VCAN: variants seen among roughly 807,000 people sequenced by gnomAD.
The protein encoded by VCAN is versican core protein.
VCAN carries 44 observed loss-of-function variants against 245.5 expected under a neutral mutation model. The observed-to-expected ratio is 0.18, with a 90% CI of 0.14 to 0.23. VCAN has a LOEUF of 0.23. Ranked by LOEUF, VCAN falls within the 10% of genes least tolerant of loss-of-function variation. The pLI is 1.00. For missense variants in VCAN, 3,793 were observed against 4,057.9 expected (o/e 0.93, Z 1.77); for synonymous variants, 1,413 against 1,437.0 (o/e 0.98, Z 0.38).
chr5:83,579,253 G>GT (rs758124730), intron 13 of VCAN, among the ~76,000 whole-genome samples: 15 of 149,098 alleles, frequency 1.0e-4, no homozygotes, highest in African/African-American at 3.8e-4. Context: ...TTGTTTGTTT[G>GT]TTTGTTTTGT....
rs1419787475 is a variant in VCAN at position 83,521,117 on chromosome 5, A to G, written c.2811A>G (p.Val937=). 5 of 1,614,144 alleles carry G rather than the reference A, an allele frequency of 3.1e-6. No homozygotes were observed. The highest frequency in any genetic ancestry group is 3.4e-6 in the Non-Finnish European group (4 of 1,179,990). The change falls in exon 7 of 15, where the codon GTA becomes GTG. Residue 937 remains valine, a synonymous_variant. Coordinates refer to ENST00000265077, the MANE Select transcript of VCAN (RefSeq NM_004385.5). ...EVEDVDLSKP[V]STVPQFAHTS... ...AAGATGTGGACCTCTCTAAGCCAGT[A>G]TCTACTGTTCCCCAATTTGCACACA...
intron 12 of VCAN, among the ~76,000 whole-genome samples, chr5:83,571,633 A>C (rs962619394): frequency 6.6e-6 from 1 of 152,170 alleles, no homozygotes; most frequent in Non-Finnish European, 1.5e-5. Context: ...TGATCTCAAC[A>C]TACATTACAC....
At chr5:83,573,797 T>C (rs1225738636) in intron 13 of VCAN, among the ~76,000 whole-genome samples, 2 of 152,066 alleles carry the variant, frequency 1.3e-5, no homozygotes, top group East Asian at 1.9e-4. Context: ...TCATCTGAAA[T>C]ACCATGATGA....
At chr5:83,476,157 T>A (rs1347810699) in intron 1 of VCAN, among the ~76,000 whole-genome samples, 1 of 152,222 alleles carries the variant, frequency 6.6e-6, no homozygotes, top group Non-Finnish European at 1.5e-5. Flanking sequence ...TTAAATACTT[T>A]GGAGTTAATG....
chr5:83,503,210 A>G (rs531621539), intron 5 of VCAN, among the ~76,000 whole-genome samples: 2 of 152,134 alleles, frequency 1.3e-5, no homozygotes, highest in African/African-American at 4.8e-5. Flanking sequence ...AAACAAAAAA[A>G]CGATGGAGAG....
intron 12 of VCAN, among the ~76,000 whole-genome samples, chr5:83,556,957 T>G (rs1007707141): frequency 1.3e-5 from 2 of 152,124 alleles, no homozygotes; most frequent in Non-Finnish European, 2.9e-5. Context: ...CCCACGAATT[T>G]CCCTTATTTA....
chr5:83,568,611 C>T (rs1427779275), intron 12 of VCAN, among the ~76,000 whole-genome samples: 1 of 151,910 alleles, frequency 6.6e-6, no homozygotes, highest in African/African-American at 2.4e-5. Context: ...GTGTCAGCTG[C>T]AAAATATAGG....
chr5:83,540,571 G>T lies in VCAN; in HGVS notation c.7568G>T (p.Arg2523Leu), dbSNP rs139938317. The change falls in exon 8 of 15, where the codon CGT (arginine) becomes CTT (leucine). Residue 2523 changes from arginine to leucine, a missense_variant. This residue lies in a region of VCAN where 3,182 missense variants were observed against 3,250.3 expected (regional missense o/e 0.98). Coordinates refer to ENST00000265077, the MANE Select transcript of VCAN (RefSeq NM_004385.5). ...ERSTDGSFQD[R>L]FREFEDSTLK... Reference sequence around the variant, plus strand: ...TCCACAGACGGTAGTTTCCAAGACCGTTTCAGGGAATTCGAGGATTCCACC... The same window carrying T: ...TCCACAGACGGTAGTTTCCAAGACCTTTTCAGGGAATTCGAGGATTCCACC... 8.1e-6 allele frequency: 13 copies of T among 1,613,758 alleles called. No individual in the cohort carries two copies. The highest frequency in any genetic ancestry group is 1.1e-5 in the Non-Finnish European group (13 of 1,179,938).
chr5:83,477,429 C>A (rs1005338412), intron 1 of VCAN, among the ~76,000 whole-genome samples: 5 of 152,022 alleles, frequency 3.3e-5, no homozygotes, highest in African/African-American at 4.8e-5. Flanking sequence ...GGTTTCAGGA[C>A]AATTGATGGG....
intron 3 of VCAN, 85 bp downstream of exon 3, chr5:83,490,557 T>C: frequency 6.3e-7 from 1 of 1,585,538 alleles, no homozygotes. Flanking sequence ...GAAGTAACTG[T>C]TGTTTGGGGT....
chr5:83,579,185 A>G (rs185776468), intron 13 of VCAN, among the ~76,000 whole-genome samples: 1 of 152,284 alleles, frequency 6.6e-6, no homozygotes, highest in East Asian at 1.9e-4. Flanking sequence ...TATTTAGGAG[A>G]CTTTGTCCAT....
At position 83,537,811 on chromosome 5, in the gene VCAN, T is replaced by A. The variant is rs766052610; in HGVS notation, c.4808T>A (p.Leu1603Gln). 1.2e-6 allele frequency: 2 copies of A among 1,614,032 alleles called. No individual in the cohort carries two copies. Among genetic ancestry groups the A allele is most frequent in the South Asian group, 2.2e-5 (2 of 91,082 alleles). The change falls in exon 8 of 15, where the codon CTA (leucine) becomes CAA (glutamine). Residue 1603 changes from leucine (L) to glutamine (Q), a missense_variant. This residue lies in a region of VCAN where 3,182 missense variants were observed against 3,250.3 expected (regional missense o/e 0.98). Coordinates refer to ENST00000265077, the MANE Select transcript of VCAN (RefSeq NM_004385.5). The part of the protein sequence containing the change: ...AYVSEEEAVT[L>Q]IGNPWPDDLL... ...GTTTCAGAGGAAGAAGCAGTTACCCTAATAGGAAATCCTTGGCCAGATGAC... is the reference window on the plus strand; with the variant it reads ...GTTTCAGAGGAAGAAGCAGTTACCCAAATAGGAAATCCTTGGCCAGATGAC...
At chr5:83,474,717 G>A (rs77050045) in intron 1 of VCAN, among the ~76,000 whole-genome samples, 23,441 of 152,228 alleles carry the variant, frequency 0.15, 2,005 homozygotes, top group East Asian at 0.23. Flanking sequence ...GGGGCGGGGC[G>A]GGGAAGGCAG....
chr5:83,524,535 C>T (rs1025705154), intron 7 of VCAN, among the ~76,000 whole-genome samples: 67 of 128,864 alleles, frequency 5.2e-4, no homozygotes, highest in African/African-American at 1.9e-3. Context: ...TACCTACCTG[C>T]GTACCTACCT....
chr5:83,540,048 C>A lies in VCAN; in HGVS notation c.7045C>A (p.Leu2349Ile), dbSNP rs751940014. 1 of 1,614,044 alleles carries A rather than the reference C, an allele frequency of 6.2e-7. No homozygotes were observed. Among genetic ancestry groups the A allele is most frequent in the South Asian group, 1.1e-5 (1 of 91,070 alleles). The change falls in exon 8 of 15, where the codon CTC (leucine) becomes ATC (isoleucine). Residue 2349 changes from leucine (L) to isoleucine (I), a missense_variant. Around this residue, in one of 5 missense-constraint regions of VCAN, gnomAD observed 3,182 missense variants for 3,250.3 expected, o/e 0.98. Coordinates refer to ENST00000265077, the MANE Select transcript of VCAN (RefSeq NM_004385.5). ...AGCAGAAGGACCCACGGTGGCACCT[C>A]TCCCTTTCTCCACGGACATCGGACA... ...TGAEGPTVAPLPFSTDIGHPQ... is the reference protein window; with the variant it reads ...TGAEGPTVAPIPFSTDIGHPQ...
intron 5 of VCAN, among the ~76,000 whole-genome samples, chr5:83,510,339 GT>G (rs1162187738): frequency 1.3e-5 from 2 of 152,126 alleles, no homozygotes; most frequent in Non-Finnish European, 2.9e-5. Context: ...TTGTTTTATA[GT>G]GCTATCACCC....
At chr5:83,516,772 C>T (rs1561241637) in intron 6 of VCAN, among the ~76,000 whole-genome samples, 2 of 152,230 alleles carry the variant, frequency 1.3e-5, no homozygotes, top group Admixed American at 6.5e-5. Flanking sequence ...TTACAATAGT[C>T]ATCAGAATAC....
chr5:83,482,657 A>G (rs1744652275), intron 1 of VCAN, among the ~76,000 whole-genome samples: 1 of 152,236 alleles, frequency 6.6e-6, no homozygotes, highest in Non-Finnish European at 1.5e-5. Context: ...TCCCCAACAC[A>G]GGTTCTTCTC....
In VCAN at chr5:83,513,929, T is replaced by A. The variant is rs376428052; in HGVS notation, c.1042+1533T>A. On this transcript the variant is annotated intron_variant, in intron 6 of 14. Transcript: ENST00000265077. ...CCTGACTTCCTTATTTGATATTTTC[T>A]TGTGCTTTATTAATAAAACTGGCAC... is the stretch of plus-strand genomic sequence containing the variant. Among the ~76,000 whole-genome samples the A allele has an allele frequency of 1.2e-4, 18 of 152,300 alleles. No individual in the cohort carries two copies. In the East Asian group the frequency reaches 2.9e-3, roughly 24 times the overall value.
Sources: allele counts gnomAD v4.1 joint callset (sites outside exome capture counted in the v4.1 genomes callset), GRCh38; gene constraint gnomAD v4.1.1; regional missense constraint gnomAD v4.1.1; transcripts MANE v1.5; gene names NCBI Gene and HGNC (gene_info 2026-07-23, HGNC 2026-07-21).